The following BEND3 variants were observed in gnomAD, a reference collection of about 807,000 sequenced individuals.
BEND3 encodes the protein BEN domain-containing protein 3.
Under a neutral mutation model 60.1 loss-of-function variants are expected in BEND3, and 13 were observed. The ratio of observed to expected loss-of-function variants is 0.22; its 90% CI spans 0.14 to 0.34. The LOEUF (loss-of-function observed/expected upper bound fraction) is 0.34. Ranked by LOEUF, BEND3 falls within the 10% of genes least tolerant of loss-of-function variation. The pLI is 1.00. For missense variants in BEND3, 896 were observed against 1,138.1 expected (o/e 0.79, Z 3.06); for synonymous variants, 497 against 491.5 (o/e 1.01, Z -0.15).
chr6:107,073,997 C>T (rs1428120834), intron 3 of BEND3, among the ~76,000 whole-genome samples: 1 of 152,196 alleles, frequency 6.6e-6, no homozygotes, highest in Non-Finnish European at 1.5e-5. Flanking sequence ...TGTTTGTGAC[C>T]TTGTAAGCCT....
At chr6:107,112,185 T>G (rs1377179254) in intron 1 of BEND3, among the ~76,000 whole-genome samples, 1 of 152,170 alleles carries the variant, frequency 6.6e-6, no homozygotes, top group Non-Finnish European at 1.5e-5. Context: ...TCCTTCTCAT[T>G]GTTTCCAGGG....
At chr6:107,106,936 CT>C (rs35443143) in intron 1 of BEND3, among the ~76,000 whole-genome samples, 32,760 of 128,258 alleles carry the variant, frequency 0.26, 2,985 homozygotes, top group Non-Finnish European at 0.3. Context: ...TCAAAGAGGG[CT>C]TTTTTTTTTT....
chr6:107,078,888 A>AGG (rs1775160342), intron 3 of BEND3, among the ~76,000 whole-genome samples: 2 of 151,576 alleles, frequency 1.3e-5, no homozygotes, highest in Admixed American at 6.6e-5. Flanking sequence ...CTCCACCCTC[A>AGG]GGCCTGTGCC....
intron 3 of BEND3, among the ~76,000 whole-genome samples, chr6:107,082,290 A>G (rs73521716): frequency 0.016 from 2,467 of 152,264 alleles, 69 homozygotes; most frequent in African/African-American, 0.048. Flanking sequence ...GGAAGCTCCA[A>G]TCATCCCAGC....
intron 3 of BEND3, among the ~76,000 whole-genome samples, chr6:107,079,220 G>A (rs1262181014): frequency 6.6e-6 from 1 of 152,118 alleles, no homozygotes; most frequent in African/African-American, 2.4e-5. Context: ...GTAGGAGGAG[G>A]GCCCGGGCCA....
intron 3 of BEND3, among the ~76,000 whole-genome samples, chr6:107,074,400 GTGAGAC>G (rs1486798268): frequency 1.3e-5 from 2 of 152,206 alleles, no homozygotes; most frequent in African/African-American, 4.8e-5. Context: ...GGGCAACAGA[GTGAGAC>G]TCTGTCTCAA....
chr6:107,091,851 A>G (rs1775480719), intron 3 of BEND3, among the ~76,000 whole-genome samples: 1 of 152,210 alleles, frequency 6.6e-6, no homozygotes, highest in African/African-American at 2.4e-5. Context: ...TACAAGAAAA[A>G]AAGCTACAGA....
intron 3 of BEND3, among the ~76,000 whole-genome samples, chr6:107,081,192 G>C (rs1270122343): frequency 6.6e-6 from 1 of 151,326 alleles, no homozygotes; most frequent in Non-Finnish European, 1.5e-5. Context: ...ACAGGCATGA[G>C]TCACAGCGCC....
intron 1 of BEND3, among the ~76,000 whole-genome samples, chr6:107,111,981 CAAAAA>C (rs57840795): frequency 1.4e-4 from 20 of 145,382 alleles, no homozygotes; most frequent in African/African-American, 5.0e-4. Context: ...GACTCCGTTT[CAAAAA>C]AAAAAAAAAA....
chr6:107,081,847 G>A (rs959734380), intron 3 of BEND3, among the ~76,000 whole-genome samples: 1 of 151,998 alleles, frequency 6.6e-6, no homozygotes, highest in African/African-American at 2.4e-5. Flanking sequence ...TGAAGATGCT[G>A]CCTTCTCTAT....
chr6:107,091,838 C>T (rs1264583418), intron 3 of BEND3, among the ~76,000 whole-genome samples: 4 of 152,082 alleles, frequency 2.6e-5, no homozygotes, highest in African/African-American at 9.7e-5. Flanking sequence ...CAGACAAAGA[C>T]ATTACAAGAA....
At position 107,070,398 on chromosome 6, in the gene BEND3, C is replaced by A. The variant is rs782080430; in HGVS notation, c.793G>T (p.Asp265Tyr). 2.5e-6 allele frequency: 4 copies of A among 1,613,646 alleles called. No homozygotes were observed. The highest frequency in any genetic ancestry group is 3.4e-6 in the Non-Finnish European group (4 of 1,179,990). Residue 265 changes from aspartate (D) to tyrosine (Y), a missense_variant, in exon 4 of 4, where the codon GAC becomes TAC. Coordinates refer to ENST00000369042, the MANE Select transcript of BEND3 (RefSeq NM_001367314.1). This position sits in a 1 kb window ranked among gnomAD's most constrained non-coding sequence, Gnocchi z 6.9. ...TGCACCAGCAAGCGGCAGGCCAGGT[C>A]CCCCCCTGACAGGCTCTGGTCCACG... ...QIVDQSLSGG[D>Y]LACRLLVQLF... is the part of the protein sequence containing the mutation.
In BEND3 at chr6:107,070,840, C is replaced by G. The variant is rs782047996; in HGVS notation, c.351G>C (p.Glu117Asp). Residue 117 changes from glutamate to aspartate, a missense_variant, in exon 4 of 4, where the codon GAG becomes GAC. Physicochemically the swap from Glu to Asp is conservative, Grantham distance 45. Coordinates refer to ENST00000369042, the MANE Select transcript of BEND3 (RefSeq NM_001367314.1). This position sits in a 1 kb window ranked among gnomAD's most constrained non-coding sequence, Gnocchi z 6.9. ...SLGNVWPGEE[E>D]PCNDATTPSY... ...AAGGGGTGGTGGCATCGTTGCAGGG[C>G]TCCTCCTCTCCAGGCCACACATTGC... The G allele has an allele frequency of 6.2e-7, 1 of 1,613,936 alleles. No homozygotes were observed. The highest frequency in any genetic ancestry group is 1.1e-5 in the South Asian group (1 of 91,078).
chr6:107,079,296 T>C (rs1775174071), intron 3 of BEND3, among the ~76,000 whole-genome samples: 1 of 152,116 alleles, frequency 6.6e-6, no homozygotes, highest in Non-Finnish European at 1.5e-5. Flanking sequence ...GAGAGCTACT[T>C]CCACTCAATA....
At chr6:107,096,282 CA>C (rs1775583553) in intron 3 of BEND3, among the ~76,000 whole-genome samples, 1 of 152,198 alleles carries the variant, frequency 6.6e-6, no homozygotes, top group African/African-American at 2.4e-5. Context: ...AAGCCAGACA[CA>C]TATGGCCATA....
At chr6:107,101,454 G>T (rs1199920309) in intron 1 of BEND3, among the ~76,000 whole-genome samples, 2 of 152,164 alleles carry the variant, frequency 1.3e-5, no homozygotes, top group African/African-American at 4.8e-5. Flanking sequence ...TTCAAGAACA[G>T]TGCACAATAG....
rs1775269517 is a variant in BEND3 at position 107,083,261 on chromosome 6, T to A, written c.241-12311A>T. On this transcript the variant is annotated intron_variant, in intron 3 of 3. Transcript: ENST00000369042. Reference sequence around the variant, plus strand: ...TGAAACTTTTGCCCAGATCACAAGGTATGCGGCAAGTGGCAGGGTTAGGCA... The same window carrying A: ...TGAAACTTTTGCCCAGATCACAAGGAATGCGGCAAGTGGCAGGGTTAGGCA... Among the ~76,000 whole-genome samples, 13 of 152,224 alleles carry A rather than the reference T, an allele frequency of 8.5e-5. No homozygotes were observed. In the South Asian group the frequency reaches 2.5e-3, roughly 29 times the overall value.
intron 3 of BEND3, among the ~76,000 whole-genome samples, chr6:107,080,426 C>T (rs1775208459): frequency 7.2e-6 from 1 of 139,620 alleles, no homozygotes; most frequent in African/African-American, 2.7e-5. Context: ...AAGAAGAAAA[C>T]AGTACATACA....
chr6:107,109,708 T>C (rs1413034117), intron 1 of BEND3, among the ~76,000 whole-genome samples: 1 of 152,026 alleles, frequency 6.6e-6, no homozygotes, highest in Non-Finnish European at 1.5e-5. Flanking sequence ...ACCGCGTCTC[T>C]ACTAAAAATA....
Sources: allele counts gnomAD v4.1 joint callset (sites outside exome capture counted in the v4.1 genomes callset), GRCh38; gene constraint gnomAD v4.1.1; non-coding constraint Gnocchi (gnomAD v3.1); transcripts MANE v1.5; gene names NCBI Gene and HGNC (gene_info 2026-07-23, HGNC 2026-07-21).